The following PRKACA variants were observed in gnomAD, a reference collection of about 807,000 sequenced individuals.
PRKACA encodes the protein protein kinase cAMP-activated catalytic subunit alpha.
PRKACA carries 9 observed loss-of-function variants against 45.8 expected under a neutral mutation model. The ratio of observed to expected loss-of-function variants is 0.20; its 90% CI spans 0.12 to 0.34. The LOEUF (loss-of-function observed/expected upper bound fraction) is 0.34, where lower values mean the gene tolerates loss of function less well. Among genes scored for constraint, PRKACA ranks in the 10% least tolerant of loss-of-function variants. The probability of loss-of-function intolerance (pLI) is 1.00; values close to 1 mark genes in which losing one functional copy is unlikely to be tolerated. For synonymous variants in PRKACA, 160 were observed against 178.6 expected (o/e 0.90, Z 0.83); for missense variants, 238 against 458.6 (o/e 0.52, Z 4.39).
At chr19:14,106,629 G>T in intron 3 of PRKACA, 131 bp downstream of exon 3, 1 of 1,309,348 alleles carries the variant, frequency 7.6e-7, no homozygotes, top group South Asian at 1.4e-5. Context: ...ACTCCAGCCT[G>T]AGCGACAGAG....
intron 1 of PRKACA, among the ~76,000 whole-genome samples, chr19:14,109,965 A>AAAAAAATAT (rs1568537449): frequency 8.4e-5 from 2 of 23,768 alleles, no homozygotes; most frequent in Non-Finnish European, 1.7e-4. Flanking sequence ...AAAAAAAAAA[A>AAAAAAATAT]ATATATATAT....
Position 14,093,680 on chromosome 19 carries a change from T to C in PRKACA, c.878A>G (p.Lys293Arg), listed in dbSNP as rs1371208768. ...GNLKNGVNDI[K>R]NHKWFATTDW... ...AGTTGTGGCAAACCACTTGTGGTTC[T>C]TGATATCGTTGACCCCATTCTTGAG... is the stretch of plus-strand genomic sequence containing the variant. The change falls in exon 9 of 10, where the codon AAG (lysine) becomes AGG (arginine). Residue 293 changes from lysine to arginine, a missense_variant. Physicochemically the swap from Lys to Arg is conservative, Grantham distance 26 (BLOSUM62 2). Around this residue, in one of 3 missense-constraint regions of PRKACA, gnomAD observed 94 missense variants for 240.9 expected, o/e 0.39. Transcript: ENST00000308677. 1 of 1,614,082 alleles carries C rather than the reference T, an allele frequency of 6.2e-7. No homozygotes were observed. The highest frequency in any genetic ancestry group is 1.3e-5 in the African/African-American group (1 of 74,944).
intron 5 of PRKACA, among the ~76,000 whole-genome samples, chr19:14,099,780 A>T (rs1169979590): frequency 6.6e-6 from 1 of 151,426 alleles, no homozygotes; most frequent in Non-Finnish European, 1.5e-5. Context: ...TATGTATAAA[A>T]ATATATATTA....
intron 4 of PRKACA, chr19:14,101,120 C>T (rs1056516496): frequency 1.8e-6 from 1 of 547,950 alleles, no homozygotes; most frequent in Non-Finnish European, 3.3e-6. Context: ...ACCTGGTTAG[C>T]CTGCCTTGGC....
intron 1 of PRKACA, chr19:14,114,240 C>G: frequency 1.3e-6 from 2 of 1,554,582 alleles, no homozygotes; most frequent in Admixed American, 3.7e-5. Flanking sequence ...CTGTCTGTCC[C>G]CAGAACCCTG....
chr19:14,109,995 TATATAC>T (rs1218315472), intron 1 of PRKACA, among the ~76,000 whole-genome samples: 3 of 79,618 alleles, frequency 3.8e-5, no homozygotes, highest in African/African-American at 2.1e-4. Flanking sequence ...TATATATATA[TATATAC>T]ACACACACAC....
At chr19:14,106,241 T>G (rs1356801445) in intron 3 of PRKACA, among the ~76,000 whole-genome samples, 2 of 152,098 alleles carry the variant, frequency 1.3e-5, no homozygotes, top group African/African-American at 4.8e-5. Flanking sequence ...TAGTGTGCGC[T>G]TGTAGTCCCA....
chr19:14,107,793 G>A (rs1373401130), intron 1 of PRKACA: 2 of 1,008,542 alleles, frequency 2.0e-6, no homozygotes, highest in African/African-American at 1.7e-5. Flanking sequence ...CTTCTCTGGG[G>A]AGGCCGGGCC....
Position 14,092,953 on chromosome 19 carries a change from TG to T in PRKACA, c.*158del. 1 of 860,726 alleles carries T rather than the reference TG, an allele frequency of 1.2e-6. No individual in the cohort carries two copies. The highest frequency in any genetic ancestry group is 1.6e-6 in the Non-Finnish European group (1 of 611,208). 53.3% of individuals were successfully genotyped at this position (860,726 alleles called of 1,614,324 possible). On this transcript the variant is annotated 3_prime_UTR_variant, in exon 10 of 10. Transcript: ENST00000308677. The stretch of plus-strand genomic sequence containing the variant: ...TGGTGTTTCTGTCCCTCTGATTATC[TG>T]GGCTTCCTGCTCCCCCTAACCCTGG...
rs41296288 is a variant in PRKACA at position 14,100,507 on chromosome 19, AG to A, written c.419+318del. ...GAGACAGGGTTTTGCCATGTTGGCC[AG>A]GCTGGTCTCAAACTCCTGACCTCAG... On this transcript the variant is annotated intron_variant, in intron 5 of 9. Transcript: ENST00000308677. Among the ~76,000 whole-genome samples, 239 of 152,302 alleles carry A rather than the reference AG, an allele frequency of 1.6e-3. 2 individuals carry two copies. The highest frequency in any genetic ancestry group is 3.4e-3 in the Middle Eastern group (1 of 294).
chr19:14,107,719 C>T (rs1204361112), intron 1 of PRKACA: 58 of 1,144,836 alleles, frequency 5.1e-5, no homozygotes, highest in Non-Finnish European at 6.0e-5. Context: ...ACCGACATTC[C>T]ATGGCCAGGG....
chr19:14,116,762 T>C (rs1044673229), intron 1 of PRKACA, among the ~76,000 whole-genome samples: 4 of 151,952 alleles, frequency 2.6e-5, no homozygotes, highest in Non-Finnish European at 5.9e-5. Context: ...TCTACGTTCA[T>C]AAACAGTCTG....
At chr19:14,101,377 TG>T (rs1977437462) in intron 4 of PRKACA, 1 of 169,034 alleles carries the variant, frequency 5.9e-6, no homozygotes, top group Non-Finnish European at 1.3e-5. Flanking sequence ...GAGACCAGCC[TG>T]GGCAACATAG....
At position 14,093,190 on chromosome 19, in the gene PRKACA, A is replaced by G. The variant is rs553187237; in HGVS notation, c.978T>C (p.Ser326=). Residue 326 remains serine (S), a synonymous_variant, in exon 10 of 10, where the codon AGT becomes AGC. Coordinates refer to ENST00000308677, the MANE Select transcript of PRKACA (RefSeq NM_002730.4). The part of the protein sequence containing the change: ...IPKFKGPGDT[S]NFDDYEEEEI... ...CTTCTTCCTCATAGTCGTCAAAGTT[A>G]CTCGTATCCCCAGGGCCTTTAAACT... The G allele has an allele frequency of 6.2e-7, 1 of 1,613,958 alleles. No individual in the cohort carries two copies. Among genetic ancestry groups the G allele is most frequent in the Middle Eastern group, 1.6e-4 (1 of 6,062 alleles).
At chr19:14,093,850 T>C (rs1268799789) in intron 8 of PRKACA, 58 bp from the exon 9 acceptor site, 10 of 1,517,612 alleles carry the variant, frequency 6.6e-6, no homozygotes, top group African/African-American at 2.8e-5. Context: ...GGGAAGCCCA[T>C]GATGCTTCTT....
intron 1 of PRKACA, among the ~76,000 whole-genome samples, chr19:14,110,618 A>G (rs1272431188): frequency 6.6e-6 from 1 of 152,020 alleles, no homozygotes; most frequent in African/African-American, 2.4e-5. Context: ...AATATAGGAG[A>G]TACACTGAGT....
chr19:14,097,928 A>G lies in PRKACA; in HGVS notation c.420-38T>C, dbSNP rs147585805. The G allele has an allele frequency of 1.2e-6, 2 of 1,610,840 alleles. No individual in the cohort carries two copies. Among genetic ancestry groups the G allele is most frequent in the African/African-American group, 2.7e-5 (2 of 74,892 alleles). The stretch of plus-strand genomic sequence containing the variant: ...AATGGGGAGGTGAACGTCAGTGGTC[A>G]TGCCCCAAAATGGTCCAGCAGGTGG... On this transcript the variant is annotated intron_variant, in intron 5 of 9. Transcript: ENST00000308677. The surrounding 1 kb of genome is among the most constrained non-coding windows in gnomAD (Gnocchi z 5.4).
chr19:14,098,202 A>C, intron 5 of PRKACA: 1 of 266,860 alleles, frequency 3.7e-6, no homozygotes, highest in Non-Finnish European at 7.3e-6. Context: ...AAAAGAAGAC[A>C]CAAAAGAACA....
intron 1 of PRKACA, 76 bp downstream of exon 1, chr19:14,117,426 A>G (rs1967132227): frequency 8.2e-6 from 10 of 1,220,480 alleles, no homozygotes; most frequent in Non-Finnish European, 8.2e-6. Context: ...CCGTAGGGGG[A>G]GGGGCCAGGC....
Sources: allele counts gnomAD v4.1 joint callset (sites outside exome capture counted in the v4.1 genomes callset), GRCh38; gene constraint gnomAD v4.1.1; regional missense constraint gnomAD v4.1.1; non-coding constraint Gnocchi (gnomAD v3.1); transcripts MANE v1.5; gene names NCBI Gene and HGNC (gene_info 2026-07-23, HGNC 2026-07-21).